Variants in ZBTB20 observed in about 807,000 individuals in gnomAD.
ZBTB20 encodes the protein zinc finger and BTB domain-containing protein 20.
ZBTB20 carries 9 observed loss-of-function variants against 56.9 expected under a neutral mutation model. The ratio of observed to expected loss-of-function variants is 0.16; its 90% confidence interval spans 0.10 to 0.28. The LOEUF is 0.28. Ranked by LOEUF, ZBTB20 falls within the 10% of genes least tolerant of loss-of-function variation. The probability of loss-of-function intolerance (pLI) is 1.00; values close to 1 mark genes in which losing one functional copy is unlikely to be tolerated. For synonymous variants in ZBTB20, 417 were observed against 420.7 expected (o/e 0.99, Z 0.11); for missense variants, 655 against 1,003.0 (o/e 0.65, Z 4.69).
intron 6 of ZBTB20, among the ~76,000 whole-genome samples, chr3:114,566,430 A>T (rs2110331555): frequency 6.6e-6 from 1 of 152,246 alleles, no homozygotes; most frequent in South Asian, 2.1e-4. Context: ...TGGGCAGTCA[A>T]CCCTATGAAG....
chr3:114,945,763 T>A (rs1396654658), intron 3 of ZBTB20, among the ~76,000 whole-genome samples: 1 of 145,126 alleles, frequency 6.9e-6, no homozygotes, highest in Non-Finnish European at 1.5e-5. Flanking sequence ...GAATTAAAAA[T>A]CACCATTAAT....
intron 7 of ZBTB20, among the ~76,000 whole-genome samples, chr3:114,488,259 G>T (rs1393794736): frequency 6.6e-6 from 1 of 152,172 alleles, no homozygotes; most frequent in Non-Finnish European, 1.5e-5. Flanking sequence ...AGGACTTCAG[G>T]GAGCACTGCC....
chr3:114,777,808 C>T (rs1264608478), intron 5 of ZBTB20, among the ~76,000 whole-genome samples: 30 of 151,924 alleles, frequency 2.0e-4, no homozygotes, highest in South Asian at 8.3e-4. Flanking sequence ...ATGTTTATTG[C>T]GGCACTATTC....
intron 5 of ZBTB20, among the ~76,000 whole-genome samples, chr3:114,746,388 T>C (rs1375348558): frequency 6.6e-6 from 1 of 152,176 alleles, no homozygotes; most frequent in East Asian, 1.9e-4. Context: ...TTTTTGTTTT[T>C]TTTTAATTAT....
intron 3 of ZBTB20, among the ~76,000 whole-genome samples, chr3:114,942,717 A>T (rs1340548191): frequency 1.4e-5 from 2 of 146,174 alleles, no homozygotes; most frequent in Non-Finnish European, 3.0e-5. Context: ...TAGTCTATAA[A>T]GGAAGTAAAC....
chr3:114,735,797 T>C (rs191219224), intron 5 of ZBTB20, among the ~76,000 whole-genome samples: 2 of 152,212 alleles, frequency 1.3e-5, no homozygotes, highest in African/African-American at 4.8e-5. Flanking sequence ...CTTCAGAAGA[T>C]TTTTTTCTTA....
chr3:114,664,628 C>CAT (rs71616316), intron 6 of ZBTB20, among the ~76,000 whole-genome samples: 1 of 151,422 alleles, frequency 6.6e-6, no homozygotes, highest in African/African-American at 2.4e-5. Context: ...CACACACACA[C>CAT]GTACTAGCCT....
Position 115,093,016 on chromosome 3 carries a change from A to T in ZBTB20, c.-702-21602T>A, listed in dbSNP as rs183805340. ...ATAGCTACTTAAAATCACAGTCTTTAAGATGAAAAAATATTTTAAAAAGCT... is the reference window on the plus strand; with the variant it reads ...ATAGCTACTTAAAATCACAGTCTTTTAGATGAAAAAATATTTTAAAAAGCT... On this transcript the variant is annotated intron_variant, in intron 1 of 11. Coordinates refer to ENST00000675478, the MANE Select transcript of ZBTB20 (RefSeq NM_001348800.3). Among the ~76,000 whole-genome samples, 5 of 152,252 alleles carry T rather than the reference A, an allele frequency of 3.3e-5. No individual in the cohort carries two copies. In the East Asian group the frequency reaches 9.6e-4, roughly 29 times the overall value.
intron 2 of ZBTB20, among the ~76,000 whole-genome samples, chr3:115,010,591 G>C (rs1195152925): frequency 6.6e-6 from 1 of 151,940 alleles, no homozygotes; most frequent in Non-Finnish European, 1.5e-5. Flanking sequence ...GTGTTATTAG[G>C]CTTGGGATGC....
intron 7 of ZBTB20, among the ~76,000 whole-genome samples, chr3:114,425,160 C>G (rs1017141356): frequency 5.3e-5 from 8 of 152,176 alleles, no homozygotes; most frequent in African/African-American, 7.2e-5. Flanking sequence ...CTGTTTACAG[C>G]TGAAGCAGTG....
intron 6 of ZBTB20, among the ~76,000 whole-genome samples, chr3:114,573,352 C>T (rs570326523): frequency 1.1e-3 from 161 of 151,330 alleles, no homozygotes; most frequent in Non-Finnish European, 1.9e-3. Flanking sequence ...CCCAGCTACT[C>T]GGGAGGCTGT....
intron 1 of ZBTB20, among the ~76,000 whole-genome samples, chr3:115,076,863 G>A (rs748403655): frequency 6.6e-6 from 1 of 152,206 alleles, no homozygotes; most frequent in Non-Finnish European, 1.5e-5. Flanking sequence ...GTTTTGGGAT[G>A]AAACTGTTCC....
intron 5 of ZBTB20, among the ~76,000 whole-genome samples, chr3:114,731,049 T>G (rs2065701308): frequency 6.6e-6 from 1 of 152,194 alleles, no homozygotes; most frequent in African/African-American, 2.4e-5. Context: ...TCATATTGAC[T>G]TGAGTATTTT....
chr3:115,035,916 T>C (rs1053349011), intron 2 of ZBTB20, among the ~76,000 whole-genome samples: 1 of 152,124 alleles, frequency 6.6e-6, no homozygotes, highest in Non-Finnish European at 1.5e-5. Flanking sequence ...TTGTGACATA[T>C]GCTACAACAT....
intron 3 of ZBTB20, chr3:114,931,294 G>A: frequency 5.1e-6 from 1 of 197,006 alleles, no homozygotes; most frequent in Admixed American, 6.0e-5. Flanking sequence ...AGAAAATCAA[G>A]ATGAGACCCA....
chr3:114,786,303 C>T (rs554017205), intron 5 of ZBTB20, among the ~76,000 whole-genome samples: 126 of 152,068 alleles, frequency 8.3e-4, no homozygotes, highest in Middle Eastern at 3.4e-3. Flanking sequence ...GACCCCCACT[C>T]CCCAACAGGC....
chr3:114,901,397 A>T (rs1008921271), intron 3 of ZBTB20, among the ~76,000 whole-genome samples: 1 of 152,182 alleles, frequency 6.6e-6, no homozygotes, highest in African/African-American at 2.4e-5. Context: ...AAGTATATAG[A>T]GGTAATAATT....
intron 1 of ZBTB20, among the ~76,000 whole-genome samples, chr3:115,109,398 C>T (rs2083811777): frequency 6.6e-6 from 1 of 152,112 alleles, no homozygotes; most frequent in Admixed American, 6.6e-5. Context: ...ACTCAATAGT[C>T]TTCATATCTT....
chr3:114,353,340 T>C (rs2080879432), intron 10 of ZBTB20, among the ~76,000 whole-genome samples: 2 of 152,224 alleles, frequency 1.3e-5, no homozygotes, highest in South Asian at 4.1e-4. Context: ...ATAGAAGACT[T>C]GTTCAGGAAA....
Sources: allele counts gnomAD v4.1 joint callset (sites outside exome capture counted in the v4.1 genomes callset), GRCh38; gene constraint gnomAD v4.1.1; transcripts MANE v1.5; gene names NCBI Gene and HGNC (gene_info 2026-07-23, HGNC 2026-07-21).